CEP112: variants seen among roughly 807,000 people sequenced by gnomAD.
CEP112 encodes the protein centrosomal protein of 112 kDa.
A neutral mutation model predicts 153.0 loss-of-function variants in CEP112; 127 were observed. The ratio of observed to expected loss-of-function variants is 0.83; its 90% CI spans 0.72 to 0.96. The LOEUF (loss-of-function observed/expected upper bound fraction) is 0.96. Ranked by LOEUF, CEP112 falls within the 40% of genes least tolerant of loss-of-function variation. CEP112 has a pLI of 0.00. For missense variants in CEP112, 1,089 were observed against 1,101.2 expected, an observed-to-expected ratio of 0.99 and a Z score of 0.16; for synonymous variants, 358 against 374.4, an observed-to-expected ratio of 0.96 and a Z score of 0.51.
chr17:65,711,605 G>A (rs1260886062), intron 23 of CEP112, among the ~76,000 whole-genome samples: 1 of 152,150 alleles, frequency 6.6e-6, no homozygotes, highest in Admixed American at 6.5e-5. Flanking sequence ...CCATCTAACT[G>A]TATACTGCTG....
At chr17:66,173,302 T>C (rs1254765282) in intron 4 of CEP112, among the ~76,000 whole-genome samples, 1 of 152,200 alleles carries the variant, frequency 6.6e-6, no homozygotes, top group African/African-American at 2.4e-5. Context: ...TATGGCTGTC[T>C]CTTAGAAAGA....
intron 18 of CEP112, among the ~76,000 whole-genome samples, chr17:65,960,102 G>A (rs1380519407): frequency 6.6e-6 from 1 of 152,156 alleles, no homozygotes. Context: ...GACTCCTAAG[G>A]AAGATAACTA....
chr17:66,188,719 T>TTTTG (rs34318360), intron 1 of CEP112, among the ~76,000 whole-genome samples: 101,496 of 151,482 alleles, frequency 0.67, 35,713 homozygotes, highest in Non-Finnish European at 0.78. Context: ...ACTCATCATT[T>TTTTG]TTTGTTTGGT....
chr17:66,071,896 G>C (rs576702493), intron 8 of CEP112, among the ~76,000 whole-genome samples: 52 of 152,170 alleles, frequency 3.4e-4, no homozygotes, highest in Middle Eastern at 3.4e-3. Context: ...GAACTCAAAA[G>C]GATTTTTGTG....
intron 4 of CEP112, among the ~76,000 whole-genome samples, chr17:66,133,672 T>G (rs2070304218): frequency 1.3e-5 from 2 of 152,188 alleles, no homozygotes. Context: ...ACCTATTCTC[T>G]GAACAACTGC....
intron 6 of CEP112, among the ~76,000 whole-genome samples, chr17:66,098,133 G>A (rs1003339599): frequency 2.0e-5 from 3 of 152,182 alleles, no homozygotes; most frequent in South Asian, 2.1e-4. Flanking sequence ...TAAGGCAAAC[G>A]CAGAGCTGTA....
At chr17:66,138,173 T>C (rs2070523458) in intron 4 of CEP112, among the ~76,000 whole-genome samples, 1 of 152,132 alleles carries the variant, frequency 6.6e-6, no homozygotes, top group Non-Finnish European at 1.5e-5. Context: ...CCAACTAAAA[T>C]TAGTTTATAT....
intron 22 of CEP112, among the ~76,000 whole-genome samples, chr17:65,746,165 CAAA>C (rs56361589): frequency 6.1e-5 from 3 of 49,492 alleles, no homozygotes; most frequent in African/African-American, 1.8e-4. Flanking sequence ...AACTCCATCT[CAAA>C]AAAAAAAAAA....
intron 17 of CEP112, among the ~76,000 whole-genome samples, chr17:65,989,810 A>G (rs996128538): frequency 2.0e-5 from 3 of 152,204 alleles, no homozygotes; most frequent in African/African-American, 7.2e-5. Context: ...AATACTACCT[A>G]CAGGAACCTG....
chr17:65,719,372 C>T (rs939158660), intron 23 of CEP112, among the ~76,000 whole-genome samples: 1 of 152,130 alleles, frequency 6.6e-6, no homozygotes, highest in African/African-American at 2.4e-5. Context: ...GTCAGGAGTT[C>T]CAGACCTGCC....
intron 1 of CEP112, among the ~76,000 whole-genome samples, chr17:66,186,860 T>G (rs541662090): frequency 6.6e-6 from 1 of 152,332 alleles, no homozygotes; most frequent in South Asian, 2.1e-4. Flanking sequence ...TTAAAAATCA[T>G]AAATCTTGCT....
chr17:66,073,295 C>T (rs1346266210), intron 8 of CEP112, among the ~76,000 whole-genome samples: 3 of 152,154 alleles, frequency 2.0e-5, no homozygotes, highest in Non-Finnish European at 4.4e-5. Context: ...CCCAACTTTC[C>T]GCCTGGGTAC....
At chr17:65,705,024 TTTAG>T (rs1419954034) in intron 23 of CEP112, among the ~76,000 whole-genome samples, 15 of 152,336 alleles carry the variant, frequency 9.8e-5, no homozygotes, top group African/African-American at 3.4e-4. Flanking sequence ...TGATGGTGTT[TTTAG>T]AGTCAGCCTT....
intron 8 of CEP112, among the ~76,000 whole-genome samples, chr17:66,086,541 C>T (rs2067944491): frequency 6.6e-6 from 1 of 151,176 alleles, no homozygotes; most frequent in Non-Finnish European, 1.5e-5. Context: ...GTAGCTGGAA[C>T]TACAGGCACC....
At chr17:66,178,967 G>A (rs1451677288) in intron 2 of CEP112, among the ~76,000 whole-genome samples, 3 of 152,102 alleles carry the variant, frequency 2.0e-5, no homozygotes, top group Non-Finnish European at 4.4e-5. Flanking sequence ...CCCAGTGTAA[G>A]TCCTTCACAC....
At chr17:65,970,447 A>G (rs1384292962) in intron 17 of CEP112, among the ~76,000 whole-genome samples, 3 of 59,120 alleles carry the variant, frequency 5.1e-5, no homozygotes, top group Admixed American at 3.0e-4. Flanking sequence ...TCATGCATGT[A>G]TATTACATGC....
chr17:65,806,986 A>G (rs1372699646), intron 21 of CEP112, among the ~76,000 whole-genome samples: 1 of 152,218 alleles, frequency 6.6e-6, no homozygotes, highest in Non-Finnish European at 1.5e-5. Context: ...AAAAGAAGAC[A>G]GAAAGATGTG....
chr17:65,989,080 A>T (rs561275615), intron 17 of CEP112, among the ~76,000 whole-genome samples: 63 of 150,588 alleles, frequency 4.2e-4, no homozygotes, highest in Admixed American at 9.9e-4. Flanking sequence ...CAAAAAAATT[A>T]AAAAAAAAGC....
chr17:66,028,467 CT>C (rs1353152104), intron 14 of CEP112, 62 bp from the exon 15 acceptor site: 5 of 929,698 alleles, frequency 5.4e-6, no homozygotes, highest in African/African-American at 1.7e-5. Context: ...ATTATACTTT[CT>C]GATTGAAAAA....
Sources: gnomAD v4.1 joint callset for allele counts (sites outside exome capture counted in the v4.1 genomes callset) on GRCh38, gnomAD v4.1.1 for gene constraint, MANE v1.5 for transcripts, NCBI Gene and HGNC (gene_info 2026-07-23, HGNC 2026-07-21) for gene names.